Variants in MOSPD1 observed in about 807,000 individuals in gnomAD.
The protein encoded by MOSPD1 is motile sperm domain containing 1, also known as motile sperm domain-containing protein 1.
Under a neutral mutation model 16.7 loss-of-function variants are expected in MOSPD1, and 5 were observed. The observed-to-expected ratio is 0.30, with a 90% CI of 0.16 to 0.63. The LOEUF is 0.63. Among genes scored for constraint, MOSPD1 ranks in the 30% least tolerant of loss-of-function variants. MOSPD1 has a pLI of 0.82. For missense variants in MOSPD1, 104 were observed against 153.6 expected (o/e 0.68, Z 1.71); for synonymous variants, 67 against 59.2 (o/e 1.13, Z -0.61).
rs188364368 is a variant in MOSPD1 at position 134,887,908 on chromosome X, T to A, written c.*1253A>T. 8.9e-6 allele frequency: 1 copy of A among 112,850 alleles called. No individual in the cohort carries two copies. Among genetic ancestry groups the A allele is most frequent in the African/African-American group, 3.2e-5 (1 of 31,048 alleles). 9.3% of individuals were successfully genotyped at this position (112,850 alleles called of 1,213,427 possible). ...TCCTATGGAAGACTAGACATAGAAG[T>A]TTTTAGAAGCAGAGACTGTTTTCTG... is the stretch of plus-strand genomic sequence containing the variant. On this transcript the variant is annotated 3_prime_UTR_variant, in exon 6 of 6. Coordinates refer to ENST00000370783, the MANE Select transcript of MOSPD1 (RefSeq NM_019556.3).
chrX:134,906,174 C>CTTTTTTTTTTTTTTTTTTTTTTTTTTT (rs765109385), intron 1 of MOSPD1, among the ~76,000 whole-genome samples: 1 of 56,658 alleles, frequency 1.8e-5, no homozygotes, highest in African/African-American at 9.0e-5. Context: ...CCATTTATCA[C>CTTTTTTTTTTTTTTTTTTTTTTTTTTT]TTTTTTTTTT....
At chrX:134,899,609 A>C in intron 1 of MOSPD1, 75 bp from the exon 2 acceptor site, 1 of 422,327 alleles carries the variant, frequency 2.4e-6, no homozygotes, top group Non-Finnish European at 3.8e-6. Flanking sequence ...CCTACACAAA[A>C]AGTATATTTA....
At position 134,896,886 on chromosome X, in the gene MOSPD1, C is replaced by T. The variant is rs756418978; in HGVS notation, c.379G>A (p.Glu127Lys). The change falls in exon 4 of 6, where the codon GAA becomes AAA. Residue 127 changes from glutamate to lysine, a missense_variant. Transcript: ENST00000370783. Reference sequence around the variant, plus strand: ...TCCTTTAATCTTTTTTCCTCTTCTTCCTTTTGTTGTTCTTTTGCTGATGGG... The same window carrying T: ...TCCTTTAATCTTTTTTCCTCTTCTTTCTTTTGTTGTTCTTTTGCTGATGGG... ...LLPSAKEQQK[E>K]EEEKRLKEHL... 3 of 1,210,831 alleles carry T rather than the reference C, an allele frequency of 2.5e-6. No homozygotes were observed. Among genetic ancestry groups the T allele is most frequent in the East Asian group, 5.9e-5 (2 of 33,844 alleles).
At chrX:134,905,877 C>T (rs183056360) in intron 1 of MOSPD1, among the ~76,000 whole-genome samples, 114 of 112,246 alleles carry the variant, frequency 1.0e-3, no homozygotes, top group South Asian at 2.5e-3. Flanking sequence ...GTTCATAAAT[C>T]TGACTGGGAA....
At chrX:134,897,475 T>C (rs961807170) in intron 3 of MOSPD1, among the ~76,000 whole-genome samples, 1 of 103,824 alleles carries the variant, frequency 9.6e-6, no homozygotes, top group African/African-American at 3.5e-5. Flanking sequence ...GAAGATCCCT[T>C]AAGCCCAAGA....
At chrX:134,909,567 G>C (rs1333871290) in intron 1 of MOSPD1, among the ~76,000 whole-genome samples, 1 of 111,807 alleles carries the variant, frequency 8.9e-6, no homozygotes. Flanking sequence ...AAATTGTTAA[G>C]AGCGATATGT....
At chrX:134,911,566 G>A (rs1452990542) in intron 1 of MOSPD1, among the ~76,000 whole-genome samples, 1 of 112,391 alleles carries the variant, frequency 8.9e-6, no homozygotes, top group Non-Finnish European at 1.9e-5. Context: ...CAATAGCAAA[G>A]CTTGCCTTGG....
At chrX:134,894,534 C>G (rs923000994) in intron 4 of MOSPD1, among the ~76,000 whole-genome samples, 2 of 111,743 alleles carry the variant, frequency 1.8e-5, no homozygotes, top group Non-Finnish European at 3.8e-5. Context: ...CACATAAATT[C>G]CTGTAAATTT....
At chrX:134,908,990 G>C (rs747539246) in intron 1 of MOSPD1, among the ~76,000 whole-genome samples, 1 of 111,518 alleles carries the variant, frequency 9.0e-6, no homozygotes, top group African/African-American at 3.3e-5. Context: ...GCTGCAGGCC[G>C]GGCGCGGTGG....
intron 5 of MOSPD1, 91 bp downstream of exon 5, chrX:134,891,388 T>C (rs1466128724): frequency 1.1e-6 from 1 of 897,103 alleles, no homozygotes; most frequent in African/African-American, 2.1e-5. Context: ...ACCTGTTCTT[T>C]GGGAAAAAAA....
chrX:134,896,176 C>T (rs181486667), intron 4 of MOSPD1, among the ~76,000 whole-genome samples: 4 of 110,865 alleles, frequency 3.6e-5, no homozygotes, highest in East Asian at 2.9e-4. Context: ...GTTAAGAAGA[C>T]GGGATAATGA....
intron 1 of MOSPD1, among the ~76,000 whole-genome samples, chrX:134,913,309 G>A (rs2082982611): frequency 9.0e-6 from 1 of 111,312 alleles, no homozygotes; most frequent in Non-Finnish European, 1.9e-5. Context: ...AGGAGGCAAA[G>A]GTTGCAGTGA....
chrX:134,902,865 C>CA (rs1440723154), intron 1 of MOSPD1, among the ~76,000 whole-genome samples: 60 of 98,424 alleles, frequency 6.1e-4, no homozygotes, highest in East Asian at 2.5e-3. Flanking sequence ...AAAAAAAAAC[C>CA]AAAAAAAAAC....
chrX:134,889,691 T>TAAA (rs34324403), intron 5 of MOSPD1, among the ~76,000 whole-genome samples: 13 of 107,489 alleles, frequency 1.2e-4, no homozygotes, highest in South Asian at 4.0e-4. Context: ...GAAAGTGTGA[T>TAAA]AAAAAAAAAG....
chrX:134,909,320 A>G (rs931386411), intron 1 of MOSPD1, among the ~76,000 whole-genome samples: 6 of 111,864 alleles, frequency 5.4e-5, no homozygotes, highest in African/African-American at 1.6e-4. Context: ...AAGTAAGTGG[A>G]TCGAAGTTTG....
intron 1 of MOSPD1, among the ~76,000 whole-genome samples, chrX:134,907,509 T>C (rs1260176329): frequency 8.9e-6 from 1 of 112,246 alleles, no homozygotes; most frequent in African/African-American, 3.2e-5. Context: ...ATAATGAAGG[T>C]TTGCTGCATT....
Position 134,899,185 on chromosome X carries a change from T to C in MOSPD1, c.155-20A>G. The C allele has an allele frequency of 8.6e-7, 1 of 1,168,832 alleles. No individual in the cohort carries two copies. The highest frequency in any genetic ancestry group is 1.1e-6 in the Non-Finnish European group (1 of 871,955). ...ACAAAACTGAAAGAAAAAGTCACAATGGCCATTAGTGTTTTTTTTTTTTAA... is the reference window on the plus strand; with the variant it reads ...ACAAAACTGAAAGAAAAAGTCACAACGGCCATTAGTGTTTTTTTTTTTTAA... On this transcript the variant is annotated intron_variant, in intron 2 of 5. Coordinates refer to ENST00000370783, the MANE Select transcript of MOSPD1 (RefSeq NM_019556.3).
chrX:134,902,998 CTCT>C (rs929467218), intron 1 of MOSPD1, among the ~76,000 whole-genome samples: 2 of 106,826 alleles, frequency 1.9e-5, no homozygotes, highest in African/African-American at 6.8e-5. Context: ...TTGATGTGTT[CTCT>C]TTTTTTTTTT....
intron 3 of MOSPD1, 54 bp downstream of exon 3, chrX:134,899,036 A>G: frequency 2.2e-6 from 2 of 921,542 alleles, no homozygotes; most frequent in Non-Finnish European, 1.5e-6. Context: ...TCAAGTTAAA[A>G]ACATAAATAT....
Sources: allele counts gnomAD v4.1 joint callset (sites outside exome capture counted in the v4.1 genomes callset), GRCh38; gene constraint gnomAD v4.1.1; transcripts MANE v1.5; gene names NCBI Gene and HGNC (gene_info 2026-07-23, HGNC 2026-07-21).